Variants in ADGRL3 observed in about 807,000 individuals in gnomAD.
ADGRL3 encodes the protein calcium-independent alpha-latrotoxin receptor 3.
In ADGRL3, 62 loss-of-function variants were observed where a neutral mutation model predicts 153.5. The observed-to-expected ratio is 0.40, with a 90% confidence interval of 0.33 to 0.50. The LOEUF is 0.50. Among genes scored for constraint, ADGRL3 ranks in the 20% least tolerant of loss-of-function variants. ADGRL3 has a pLI of 0.47. For missense variants in ADGRL3, 1,641 were observed against 1,859.4 expected, an observed-to-expected ratio of 0.88 and a Z score of 2.16; for synonymous variants, 710 against 672.5, an observed-to-expected ratio of 1.06 and a Z score of -0.86.
chr4:61,852,593 G>A (rs2098219056), intron 9 of ADGRL3, among the ~76,000 whole-genome samples: 1 of 152,166 alleles, frequency 6.6e-6, no homozygotes, highest in Non-Finnish European at 1.5e-5. Context: ...GGGATTACAG[G>A]TGTGAGCCAT....
chr4:61,375,496 T>C (rs1344760286), intron 1 of ADGRL3, among the ~76,000 whole-genome samples: 1 of 152,154 alleles, frequency 6.6e-6, no homozygotes, highest in Non-Finnish European at 1.5e-5. Flanking sequence ...GTGTACTCCC[T>C]GAGTTACTCT....
intron 5 of ADGRL3, among the ~76,000 whole-genome samples, chr4:61,643,006 C>G (rs1449067798): frequency 6.6e-6 from 1 of 152,140 alleles, no homozygotes; most frequent in African/African-American, 2.4e-5. Flanking sequence ...TCCTTCACGT[C>G]CCTTGTAAGT....
Position 61,403,067 on chromosome 4 carries a change from CAG to C in ADGRL3, c.-174+19879_-174+19880del, listed in dbSNP as rs2096950582. ...CTGGCCTTTCCTCTTTGTGTGCACA[CAG>C]GGAGCGGGAACTCTCTGGTGTCTCT... On this transcript the variant is annotated intron_variant, in intron 2 of 26. Coordinates refer to ENST00000683033, the MANE Select transcript of ADGRL3 (RefSeq NM_001387552.1). Among the ~76,000 whole-genome samples the C allele has an allele frequency of 3.1e-5, 3 of 95,520 alleles. No homozygotes were observed. The Admixed American group carries it at 3.7e-4, about 12-fold the overall frequency. The allele number at this position is 95,520 out of a possible 152,430, so 62.7% of individuals were successfully genotyped here. A position where few individuals can be genotyped will look rare whatever the true frequency, so the allele number is the denominator to read the frequency against.
intron 2 of ADGRL3, among the ~76,000 whole-genome samples, chr4:61,458,871 T>C (rs1385435660): frequency 6.6e-6 from 1 of 151,490 alleles, no homozygotes; most frequent in Non-Finnish European, 1.5e-5. Context: ...GGATCTCAAA[T>C]TTTCAGTTCC....
intron 1 of ADGRL3, among the ~76,000 whole-genome samples, chr4:61,323,399 A>ATT (rs36116468): frequency 2.2e-4 from 34 of 151,260 alleles, no homozygotes; most frequent in East Asian, 7.8e-4. Context: ...CAAAATATGG[A>ATT]TTTTTTTTTC....
chr4:61,583,300 G>C (rs868196928), intron 4 of ADGRL3, among the ~76,000 whole-genome samples: 2 of 151,978 alleles, frequency 1.3e-5, no homozygotes, highest in Non-Finnish European at 2.9e-5. Context: ...CCCATCCCTA[G>C]TCTGGTATCT....
intron 3 of ADGRL3, among the ~76,000 whole-genome samples, chr4:61,509,898 T>A (rs909236784): frequency 1.3e-5 from 2 of 152,174 alleles, no homozygotes; most frequent in African/African-American, 2.4e-5. Context: ...TATGTAAGCA[T>A]CCCTTTTACT....
At chr4:61,450,105 GGT>G (rs1173115132) in intron 2 of ADGRL3, among the ~76,000 whole-genome samples, 1 of 152,038 alleles carries the variant, frequency 6.6e-6, no homozygotes, top group Non-Finnish European at 1.5e-5. Context: ...GCTCAGGGAC[GGT>G]GTGGTATACA....
At chr4:61,209,609 C>T (rs898475705) in intron 1 of ADGRL3, among the ~76,000 whole-genome samples, 5 of 152,016 alleles carry the variant, frequency 3.3e-5, no homozygotes, top group East Asian at 3.9e-4. Context: ...TGTTCTTTCC[C>T]TCTGTCCTTT....
intron 6 of ADGRL3, among the ~76,000 whole-genome samples, chr4:61,700,264 G>T (rs1385349098): frequency 6.6e-6 from 1 of 151,528 alleles, no homozygotes; most frequent in African/African-American, 2.4e-5. Context: ...TTACTTTAAG[G>T]ACTCTAATAC....
At chr4:62,013,161 T>C (rs2099194421) in intron 21 of ADGRL3, among the ~76,000 whole-genome samples, 1 of 152,058 alleles carries the variant, frequency 6.6e-6, no homozygotes, top group South Asian at 2.1e-4. Flanking sequence ...TCTGAAATAT[T>C]CCTGATGGGG....
intron 17 of ADGRL3, among the ~76,000 whole-genome samples, chr4:61,954,088 C>T (rs932481870): frequency 1.2e-4 from 19 of 152,080 alleles, no homozygotes; most frequent in South Asian, 4.1e-4. Context: ...TTTTAAAATT[C>T]CAGACTCAGA....
intron 5 of ADGRL3, among the ~76,000 whole-genome samples, chr4:61,660,525 A>G (rs2094564864): frequency 6.6e-6 from 1 of 152,138 alleles, no homozygotes; most frequent in Non-Finnish European, 1.5e-5. Flanking sequence ...CCTTAAAGCC[A>G]AAAATATTGT....
rs958350294 is a variant in ADGRL3, at chr4:61,204,745, AT to A, written c.-240+2991del. On this transcript the variant is annotated intron_variant, in intron 1 of 26. Transcript: ENST00000683033. ...ACTCAAAGTTTTATATGAACTATTA[AT>A]TTTTTTTTTTAGATAGAGATGTTAG... Among the ~76,000 whole-genome samples, 54 of 149,712 alleles carry A rather than the reference AT, an allele frequency of 3.6e-4. 1 individual carries two copies. The highest frequency in any genetic ancestry group is 1.0e-3 in the African/African-American group (41 of 40,918).
intron 18 of ADGRL3, among the ~76,000 whole-genome samples, chr4:61,982,834 C>G (rs1250899814): frequency 2.0e-5 from 3 of 152,080 alleles, no homozygotes; most frequent in Non-Finnish European, 4.4e-5. Context: ...ATTTTTGAAA[C>G]AAGGCAGGGT....
intron 15 of ADGRL3, among the ~76,000 whole-genome samples, chr4:61,938,216 TA>T (rs1560402987): frequency 6.6e-6 from 1 of 152,204 alleles, no homozygotes; most frequent in African/African-American, 2.4e-5. Flanking sequence ...CAGCCAATTA[TA>T]AACCAATTAA....
chr4:61,521,817 A>C (rs1474094199), intron 4 of ADGRL3, among the ~76,000 whole-genome samples: 3 of 152,084 alleles, frequency 2.0e-5, no homozygotes, highest in Admixed American at 2.0e-4. Flanking sequence ...TTGTTAACCA[A>C]CCATTTACTG....
At chr4:61,522,079 A>G (rs1031937694) in intron 4 of ADGRL3, among the ~76,000 whole-genome samples, 2 of 152,128 alleles carry the variant, frequency 1.3e-5, no homozygotes, top group Non-Finnish European at 2.9e-5. Context: ...ACTTCCCAGT[A>G]ATACCTAGCA....
chr4:61,587,491 A>G (rs2172802), intron 5 of ADGRL3, 51 bp downstream of exon 5: 360,306 of 1,258,356 alleles, frequency 0.29, 59,011 homozygotes, highest in East Asian at 0.62. Context: ...AACCTTCAAC[A>G]TCAATCTGTG....
Sources: allele counts gnomAD v4.1 joint callset (sites outside exome capture counted in the v4.1 genomes callset), GRCh38; gene constraint gnomAD v4.1.1; transcripts MANE v1.5; gene names NCBI Gene and HGNC (gene_info 2026-07-23, HGNC 2026-07-21).